Variants in DIPK1A observed in about 807,000 individuals in gnomAD.
DIPK1A encodes the protein divergent protein kinase domain 1A, also known as family with sequence similarity 69 member A.
In DIPK1A, 27 loss-of-function variants were observed where a neutral mutation model predicts 40.8. The observed-to-expected ratio is 0.66, with a 90% confidence interval of 0.49 to 0.91. The LOEUF is 0.91. Among genes scored for constraint, DIPK1A ranks in the 40% least tolerant of loss-of-function variants. The pLI is 0.00. For missense variants in DIPK1A, 412 were observed against 505.7 expected (o/e 0.81, Z 1.78); for synonymous variants, 166 against 171.3 (o/e 0.97, Z 0.24).
chr1:92,850,842 C>T lies in DIPK1A; in HGVS notation c.297+6G>A. On this transcript the variant is annotated splice_donor_region_variant and intron_variant, in intron 3 of 4. Coordinates refer to ENST00000370310, the MANE Select transcript of DIPK1A (RefSeq NM_001006605.5). ...ATTCTGGAATGTTTATTCATAATGG[C>T]CATACCTGATTGTTGGGCTTGGTGG... The T allele has an allele frequency of 6.6e-7, 1 of 1,512,894 alleles. No homozygotes were observed. The highest frequency in any genetic ancestry group is 9.0e-7 in the Non-Finnish European group (1 of 1,110,458). The allele number at this position is 1,512,894 out of a possible 1,614,324, so 93.7% of individuals were successfully genotyped here. A position where few individuals can be genotyped will look rare whatever the true frequency, so the allele number is the denominator to read the frequency against.
At chr1:92,903,900 T>G (rs1038114152) in intron 1 of DIPK1A, among the ~76,000 whole-genome samples, 1 of 152,232 alleles carries the variant, frequency 6.6e-6, no homozygotes, top group African/African-American at 2.4e-5. Flanking sequence ...CACCAACACC[T>G]ATTTAACTAT....
chr1:92,862,955 G>A (rs181141173), intron 2 of DIPK1A, among the ~76,000 whole-genome samples: 326 of 152,278 alleles, frequency 2.1e-3, no homozygotes, highest in African/African-American at 7.5e-3. Flanking sequence ...TAGGGTTGCC[G>A]AGCAAAATAC....
intron 1 of DIPK1A, 41 bp from the exon 2 acceptor site, chr1:92,876,471 C>T: frequency 6.2e-7 from 1 of 1,605,972 alleles, no homozygotes; most frequent in Admixed American, 1.7e-5. Flanking sequence ...CATTCAGCAC[C>T]AAATCAGCAT....
intron 4 of DIPK1A, among the ~76,000 whole-genome samples, chr1:92,845,229 G>A (rs1445035613): frequency 6.7e-6 from 1 of 149,930 alleles, no homozygotes; most frequent in South Asian, 2.1e-4. Context: ...TTACAGGCGT[G>A]AGCCACCGCG....
intron 1 of DIPK1A, among the ~76,000 whole-genome samples, chr1:92,914,857 G>C (rs1169293933): frequency 6.6e-6 from 1 of 150,696 alleles, no homozygotes; most frequent in African/African-American, 2.4e-5. Flanking sequence ...AGGCTGAGGT[G>C]GGGGGATTGC....
intron 1 of DIPK1A, among the ~76,000 whole-genome samples, chr1:92,958,787 A>C (rs976954302): frequency 4.6e-5 from 7 of 152,210 alleles, no homozygotes; most frequent in Non-Finnish European, 8.8e-5. Flanking sequence ...TCCAAATCAC[A>C]GTAAACTCAC....
chr1:92,959,782 C>T (rs1353770171), intron 1 of DIPK1A, among the ~76,000 whole-genome samples: 1 of 150,626 alleles, frequency 6.6e-6, no homozygotes, highest in African/African-American at 2.5e-5. Context: ...AGGTCTCACT[C>T]TGTTGCCCAG....
At chr1:92,914,509 C>A (rs545087555) in intron 1 of DIPK1A, among the ~76,000 whole-genome samples, 1 of 152,118 alleles carries the variant, frequency 6.6e-6, no homozygotes, top group African/African-American at 2.4e-5. Context: ...GTGGCTCTCG[C>A]GTGTAATCCC....
chr1:92,952,486 G>C (rs1038423927), intron 1 of DIPK1A, among the ~76,000 whole-genome samples: 1 of 152,070 alleles, frequency 6.6e-6, no homozygotes, highest in Non-Finnish European at 1.5e-5. Context: ...CAGGTGTGGT[G>C]GCACAGGCCT....
At chr1:92,856,052 G>A (rs1246382340) in intron 2 of DIPK1A, among the ~76,000 whole-genome samples, 1 of 152,138 alleles carries the variant, frequency 6.6e-6, no homozygotes, top group Non-Finnish European at 1.5e-5. Flanking sequence ...ACTCCAGCCT[G>A]AGTGACAGAG....
chr1:92,884,045 T>G (rs1450071150), intron 1 of DIPK1A, among the ~76,000 whole-genome samples: 1 of 152,216 alleles, frequency 6.6e-6, no homozygotes, highest in Non-Finnish European at 1.5e-5. Flanking sequence ...TCACATGTAT[T>G]TATGCCTAAG....
intron 1 of DIPK1A, among the ~76,000 whole-genome samples, chr1:92,902,453 A>C (rs1649458682): frequency 6.6e-6 from 1 of 152,192 alleles, no homozygotes; most frequent in African/African-American, 2.4e-5. Flanking sequence ...CACACTCCAG[A>C]CACAGTACCG....
At chr1:92,927,330 G>C (rs575313121) in intron 1 of DIPK1A, among the ~76,000 whole-genome samples, 54 of 151,154 alleles carry the variant, frequency 3.6e-4, no homozygotes, top group African/African-American at 1.2e-3. Context: ...AAATAGCTGG[G>C]ACTACAGGTG....
chr1:92,947,847 T>C (rs763846507), intron 1 of DIPK1A, among the ~76,000 whole-genome samples: 106 of 152,162 alleles, frequency 7.0e-4, no homozygotes, highest in Non-Finnish European at 1.2e-3. Context: ...ACTAAAACAG[T>C]TGATCTCATA....
At chr1:92,836,332 G>T in intron 4 of DIPK1A, 3 of 1,614,174 alleles carry the variant, frequency 1.9e-6, no homozygotes, top group Non-Finnish European at 2.5e-6. Context: ...ACTACCACTG[G>T]CAATAAAGTT....
chr1:92,918,831 T>A (rs2100849758), intron 1 of DIPK1A, among the ~76,000 whole-genome samples: 1 of 152,216 alleles, frequency 6.6e-6, no homozygotes, highest in Middle Eastern at 3.4e-3. Context: ...CCACCTATGA[T>A]CATCAGGCAT....
At chr1:92,913,518 G>GTT (rs1649925511) in intron 1 of DIPK1A, among the ~76,000 whole-genome samples, 1 of 152,144 alleles carries the variant, frequency 6.6e-6, no homozygotes, top group South Asian at 2.1e-4. Flanking sequence ...GGCTCCTTTT[G>GTT]TATTAATTAG....
intron 1 of DIPK1A, among the ~76,000 whole-genome samples, chr1:92,899,419 CT>C (rs1649317263): frequency 6.6e-6 from 1 of 152,196 alleles, no homozygotes; most frequent in African/African-American, 2.4e-5. Context: ...CATCCCTTCA[CT>C]TTCAGTCTAT....
At chr1:92,858,624 G>T (rs1688065129) in intron 2 of DIPK1A, among the ~76,000 whole-genome samples, 1 of 151,932 alleles carries the variant, frequency 6.6e-6, no homozygotes, top group Non-Finnish European at 1.5e-5. Context: ...AAACTTATTG[G>T]GAAGCAGTAA....
Sources: gnomAD v4.1 joint callset for allele counts (sites outside exome capture counted in the v4.1 genomes callset) on GRCh38, gnomAD v4.1.1 for gene constraint, MANE v1.5 for transcripts, NCBI Gene and HGNC (gene_info 2026-07-23, HGNC 2026-07-21) for gene names.